The following CFAP47 variants were observed in gnomAD, a reference collection of about 807,000 sequenced individuals.
CFAP47 encodes the protein cilia- and flagella-associated protein 47.
CFAP47 carries 29 observed loss-of-function variants against 148.1 expected under a neutral mutation model. That is an observed-to-expected ratio of 0.20 (90% CI 0.15 to 0.27). The LOEUF is 0.27. CFAP47 is among the 10% of genes least tolerant of loss of function. The probability of loss-of-function intolerance (pLI) is 1.00; values close to 1 mark genes in which losing one functional copy is unlikely to be tolerated. For synonymous variants in CFAP47, 664 were observed against 577.3 expected, an observed-to-expected ratio of 1.15 and a Z score of -2.15; for missense variants, 1,872 against 1,697.5, an observed-to-expected ratio of 1.10 and a Z score of -1.81.
At chrX:36,123,325 C>T (rs1938779167) in intron 33 of CFAP47, among the ~76,000 whole-genome samples, 1 of 112,114 alleles carries the variant, frequency 8.9e-6, no homozygotes, top group Admixed American at 9.4e-5. Flanking sequence ...TGGGTCTCTA[C>T]AATCATCAGG....
At chrX:36,308,562 G>C (rs782688656) in intron 55 of CFAP47, among the ~76,000 whole-genome samples, 1 of 111,313 alleles carries the variant, frequency 9.0e-6, no homozygotes, top group Non-Finnish European at 1.9e-5. Flanking sequence ...CATTATGTAT[G>C]AACAGGCATC....
chrX:36,171,730 G>A (rs1378794582), intron 39 of CFAP47, among the ~76,000 whole-genome samples: 4 of 111,757 alleles, frequency 3.6e-5, no homozygotes, highest in Non-Finnish European at 7.5e-5. Flanking sequence ...GTCAGGTAGT[G>A]TGATGCCTCC....
intron 42 of CFAP47, among the ~76,000 whole-genome samples, chrX:36,198,686 G>A (rs1344879284): frequency 9.0e-6 from 1 of 111,689 alleles, no homozygotes; most frequent in Non-Finnish European, 1.9e-5. Context: ...TCCTGCTAGA[G>A]TCTGTTTTTC....
intron 15 of CFAP47, 94 bp downstream of exon 15, chrX:35,976,007 T>C: frequency 1.1e-6 from 1 of 887,413 alleles, no homozygotes; most frequent in Non-Finnish European, 1.6e-6. Flanking sequence ...TACTGTGTAC[T>C]GGTGCCAAGA....
At chrX:36,184,758 G>A (rs183045051) in intron 40 of CFAP47, among the ~76,000 whole-genome samples, 18 of 110,929 alleles carry the variant, frequency 1.6e-4, no homozygotes, top group East Asian at 8.6e-4. Context: ...ATATGGTGAC[G>A]CCCTCTCTCT....
chrX:36,118,476 A>G (rs189375457), intron 33 of CFAP47, among the ~76,000 whole-genome samples: 6 of 109,788 alleles, frequency 5.5e-5, no homozygotes, highest in Admixed American at 2.0e-4. Flanking sequence ...TAATTTATTT[A>G]TTTATTTTTT....
At chrX:36,097,116 G>T (rs750433081) in intron 30 of CFAP47, among the ~76,000 whole-genome samples, 1 of 111,363 alleles carries the variant, frequency 9.0e-6, no homozygotes, top group Non-Finnish European at 1.9e-5. Context: ...AGAAACAAGC[G>T]AAAAGAAAAC....
chrX:36,379,446 C>A lies in CFAP47; in HGVS notation c.9282C>A (p.Asn3094Lys), dbSNP rs782180630. The change falls in exon 63 of 64, where the codon AAC (asparagine) becomes AAA (lysine). Residue 3094 changes from asparagine (N) to lysine (K), a missense_variant. Physicochemically the swap from Asn to Lys is moderately conservative, Grantham distance 94. Transcript: ENST00000378653. ...GAGAACTTCTTCCTTTTAACACAAA[C>A]GGAACTCTCATCACTGTAGGATTTA... ...QAGELLPFNT[N>K]GTLITVGFKP... 1 of 1,161,448 alleles carries A rather than the reference C, an allele frequency of 8.6e-7. No homozygotes were observed. Among genetic ancestry groups the A allele is most frequent in the Non-Finnish European group, 1.2e-6 (1 of 867,251 alleles).
chrX:35,985,760 A>G (rs1002198498), intron 15 of CFAP47, among the ~76,000 whole-genome samples: 2 of 111,240 alleles, frequency 1.8e-5, no homozygotes, highest in African/African-American at 3.3e-5. Flanking sequence ...TAGTTACCCA[A>G]AGGCTAAATT....
chrX:35,988,616 C>T (rs1035763758), intron 15 of CFAP47, among the ~76,000 whole-genome samples: 14 of 111,729 alleles, frequency 1.3e-4, no homozygotes, highest in African/African-American at 1.3e-4. Context: ...TCTTTCATTC[C>T]GTATCCTGTG....
chrX:36,379,528 A>G lies in CFAP47; in HGVS notation c.9354+10A>G, dbSNP rs5972043. 32,446 of 1,124,672 alleles carry G rather than the reference A, an allele frequency of 0.029. 1,513 individuals are homozygous for G. The highest frequency in any genetic ancestry group is 0.25 in the African/African-American group (13,626 of 54,793). 92.7% of individuals were successfully genotyped at this position (1,124,672 alleles called of 1,213,427 possible). Reference sequence around the variant, plus strand: ...AACATTAGTAATACAGGTGAGTTCTATAAGGGCAATAGCCAAGGATGTTTG... The same window carrying G: ...AACATTAGTAATACAGGTGAGTTCTGTAAGGGCAATAGCCAAGGATGTTTG... On this transcript the variant is annotated intron_variant, in intron 63 of 63. Coordinates refer to ENST00000378653, the MANE Select transcript of CFAP47 (RefSeq NM_001304548.2).
chrX:35,955,702 T>A (rs753870822), intron 7 of CFAP47, among the ~76,000 whole-genome samples: 9 of 112,336 alleles, frequency 8.0e-5, no homozygotes, highest in Non-Finnish European at 1.3e-4. Flanking sequence ...TGTAAACATA[T>A]AACATTATTT....
In CFAP47 at chrX:36,123,625, G is replaced by C. The variant is rs1049414053; in HGVS notation, c.5321-14333G>C. On this transcript the variant is annotated intron_variant, in intron 33 of 63. Coordinates refer to ENST00000378653, the MANE Select transcript of CFAP47 (RefSeq NM_001304548.2). ...CACTGATGTTTTTTTTAGGCCCAAGGGCTCTTCAGTAAGCTTGTAGTAACT... is the reference window on the plus strand; with the variant it reads ...CACTGATGTTTTTTTTAGGCCCAAGCGCTCTTCAGTAAGCTTGTAGTAACT... 3.6e-5 allele frequency among the ~76,000 whole-genome samples: 4 copies of C among 110,584 alleles called. 1 individual carries two copies. The highest frequency in any genetic ancestry group is 7.6e-5 in the Non-Finnish European group (4 of 52,870).
Position 36,173,559 on chromosome X carries a change from T to C in CFAP47, c.6027-5786T>C, listed in dbSNP as rs1174432199. Among the ~76,000 whole-genome samples the C allele has an allele frequency of 1.8e-3, 206 of 111,431 alleles. 2 individuals carry two copies. The highest frequency in any genetic ancestry group is 6.4e-3 in the African/African-American group (194 of 30,341). On this transcript the variant is annotated intron_variant, in intron 39 of 63. Transcript: ENST00000378653. Reference sequence around the variant, plus strand: ...TTTCTGCCTTCATTTTGTTATGTACTCAGTAGTCATTCAGGAGCAGGTTGT... The same window carrying C: ...TTTCTGCCTTCATTTTGTTATGTACCCAGTAGTCATTCAGGAGCAGGTTGT...
intron 60 of CFAP47, among the ~76,000 whole-genome samples, chrX:36,358,737 G>T (rs1941804167): frequency 9.0e-6 from 1 of 111,547 alleles, no homozygotes; most frequent in African/African-American, 3.3e-5. Flanking sequence ...GCCCTCATAA[G>T]TTCTTTCTCA....
chrX:36,141,172 A>T (rs976498348), intron 35 of CFAP47, among the ~76,000 whole-genome samples: 1 of 109,270 alleles, frequency 9.2e-6, no homozygotes, highest in African/African-American at 3.3e-5. Flanking sequence ...ACAGAGTCAG[A>T]GCAGTCTCAT....
chrX:36,094,724 T>A (rs1166085892), intron 30 of CFAP47, among the ~76,000 whole-genome samples: 1 of 111,519 alleles, frequency 9.0e-6, no homozygotes, highest in African/African-American at 3.3e-5. Flanking sequence ...ATGTTGATTT[T>A]GTACTCTGCA....
At chrX:36,229,998 T>C (rs1555992163) in intron 46 of CFAP47, among the ~76,000 whole-genome samples, 1 of 108,485 alleles carries the variant, frequency 9.2e-6, no homozygotes. Flanking sequence ...ATTTTCTTAA[T>C]CCAGTCTATC....
At chrX:36,021,454 C>T (rs1363587877) in intron 22 of CFAP47, among the ~76,000 whole-genome samples, 4 of 110,474 alleles carry the variant, frequency 3.6e-5, no homozygotes, top group Non-Finnish European at 7.6e-5. Context: ...AGGCATGCAC[C>T]ACCATGCCTG....
Sources: allele counts gnomAD v4.1 joint callset (sites outside exome capture counted in the v4.1 genomes callset), GRCh38; gene constraint gnomAD v4.1.1; transcripts MANE v1.5; gene names NCBI Gene and HGNC (gene_info 2026-07-23, HGNC 2026-07-21).